NRP2: variants seen among roughly 807,000 people sequenced by gnomAD.
The protein encoded by NRP2 is neuropilin-2.
In NRP2, 52 loss-of-function variants were observed where a neutral mutation model predicts 110.4. That is an observed-to-expected ratio of 0.47 (90% CI 0.38 to 0.59). NRP2 has a LOEUF of 0.59. Ranked by LOEUF, NRP2 falls within the 20% of genes least tolerant of loss-of-function variation. NRP2 has a pLI of 0.00. For missense variants in NRP2, 1,049 were observed against 1,203.0 expected (o/e 0.87, Z 1.89); for synonymous variants, 508 against 468.9 (o/e 1.08, Z -1.08).
intron 15 of NRP2, among the ~76,000 whole-genome samples, chr2:205,775,078 C>T (rs1349402237): frequency 6.6e-6 from 1 of 152,154 alleles, no homozygotes; most frequent in Non-Finnish European, 1.5e-5. Context: ...TGCTGGGGCA[C>T]CCCATGAGTA....
chr2:205,723,708 A>G, intron 4 of NRP2, 77 bp from the exon 5 acceptor site: 2 of 1,445,250 alleles, frequency 1.4e-6, no homozygotes, highest in Non-Finnish European at 1.9e-6. Flanking sequence ...AAATGCAATG[A>G]GGGGAAGGGA....
At chr2:205,690,630 A>G (rs914457118) in intron 1 of NRP2, among the ~76,000 whole-genome samples, 3 of 135,250 alleles carry the variant, frequency 2.2e-5, no homozygotes, top group Non-Finnish European at 4.7e-5. Context: ...ACACACACAC[A>G]ATAGCTGGGT....
At chr2:205,711,450 T>G (rs1362387838) in intron 2 of NRP2, among the ~76,000 whole-genome samples, 1 of 152,074 alleles carries the variant, frequency 6.6e-6, no homozygotes, top group East Asian at 1.9e-4. Context: ...GGCTTCTCTG[T>G]GGAGGTAACA....
chr2:205,727,087 G>A (rs1404120222), intron 6 of NRP2, among the ~76,000 whole-genome samples: 2 of 152,128 alleles, frequency 1.3e-5, no homozygotes, highest in Non-Finnish European at 2.9e-5. Flanking sequence ...TTTCTCATAC[G>A]TGTAGACAGC....
At chr2:205,733,562 G>A (rs2057282720) in intron 7 of NRP2, among the ~76,000 whole-genome samples, 3 of 152,222 alleles carry the variant, frequency 2.0e-5, no homozygotes, top group Non-Finnish European at 4.4e-5. Flanking sequence ...GAGGTCTCTG[G>A]AACCTCACTC....
chr2:205,738,438 G>C (rs1311514937), intron 7 of NRP2, among the ~76,000 whole-genome samples: 1 of 152,218 alleles, frequency 6.6e-6, no homozygotes, highest in East Asian at 1.9e-4. Context: ...GCCTCATGCT[G>C]AATTCTCAGA....
chr2:205,728,263 C>T (rs755983571), intron 7 of NRP2, among the ~76,000 whole-genome samples: 1 of 152,226 alleles, frequency 6.6e-6, no homozygotes, highest in Non-Finnish European at 1.5e-5. Flanking sequence ...GCTGTTGCAT[C>T]TTGCGCAGCA....
intron 1 of NRP2, among the ~76,000 whole-genome samples, chr2:205,689,064 A>G (rs950554102): frequency 4.6e-5 from 7 of 152,344 alleles, no homozygotes; most frequent in African/African-American, 1.7e-4. Context: ...CCCCAGCCTC[A>G]AACACATCTC....
Position 205,686,125 on chromosome 2 carries a change from AAC to A in NRP2, c.73+2764_73+2765del, listed in dbSNP as rs1430001485. Among the ~76,000 whole-genome samples, 1 of 152,058 alleles carries A rather than the reference AAC, an allele frequency of 6.6e-6. No individual in the cohort carries two copies. The highest frequency in any genetic ancestry group is 6.5e-5 in the Admixed American group (1 of 15,278). Reference sequence around the variant, plus strand: ...CAGAAACAGAGCCCAGCGATCCATAAACATTCTATTAAGCAAAAATATTCCCA... The same window carrying A: ...CAGAAACAGAGCCCAGCGATCCATAAATTCTATTAAGCAAAAATATTCCCA... On this transcript the variant is annotated intron_variant, in intron 1 of 16. Coordinates refer to ENST00000357785, the MANE Select transcript of NRP2 (RefSeq NM_003872.3). The surrounding 1 kb of genome is among the most constrained non-coding windows in gnomAD (Gnocchi z 4.7).
chr2:205,739,439 C>T (rs1205686775), intron 7 of NRP2, among the ~76,000 whole-genome samples: 1 of 152,184 alleles, frequency 6.6e-6, no homozygotes, highest in Non-Finnish European at 1.5e-5. Flanking sequence ...TCTCTTGTCC[C>T]AGCCCTGTTG....
intron 7 of NRP2, among the ~76,000 whole-genome samples, chr2:205,729,077 G>A (rs891885397): frequency 1.3e-5 from 2 of 152,218 alleles, no homozygotes; most frequent in African/African-American, 4.8e-5. Context: ...TTTTCCAAAG[G>A]GAATCTCCTC....
In NRP2 at chr2:205,686,487, G is replaced by A. The variant is rs192500466; in HGVS notation, c.73+3124G>A. ...ATCAACACAAGTTAATGGAGGCAAGGCGCGCTCTGATTGAAGGGCTGCCCC... is the reference window on the plus strand; with the variant it reads ...ATCAACACAAGTTAATGGAGGCAAGACGCGCTCTGATTGAAGGGCTGCCCC... On this transcript the variant is annotated intron_variant, in intron 1 of 16. Transcript: ENST00000357785. The surrounding 1 kb of genome is among the most constrained non-coding windows in gnomAD (Gnocchi z 4.7). Among the ~76,000 whole-genome samples, 3 of 152,330 alleles carry A rather than the reference G, an allele frequency of 2.0e-5. No individual in the cohort carries two copies. Among genetic ancestry groups the A allele is most frequent in the Admixed American group, 2.0e-4 (3 of 15,310 alleles).
intron 2 of NRP2, among the ~76,000 whole-genome samples, chr2:205,710,072 A>G (rs1032295388): frequency 5.9e-5 from 9 of 152,214 alleles, no homozygotes; most frequent in Admixed American, 2.0e-4. Flanking sequence ...AACTCAAAAG[A>G]GCAAGATTCT....
chr2:205,717,091 A>G (rs150546697), intron 3 of NRP2, among the ~76,000 whole-genome samples: 1 of 152,258 alleles, frequency 6.6e-6, no homozygotes, highest in East Asian at 1.9e-4. Flanking sequence ...CCAAAACTAA[A>G]TACAGCAGAC....
chr2:205,791,805 G>A (rs1477228928), intron 15 of NRP2, among the ~76,000 whole-genome samples: 3 of 152,192 alleles, frequency 2.0e-5, no homozygotes, highest in African/African-American at 7.2e-5. Context: ...AAATCCAGAG[G>A]AGAAAGACTC....
chr2:205,730,055 A>C (rs1032825325), intron 7 of NRP2, among the ~76,000 whole-genome samples: 1 of 152,182 alleles, frequency 6.6e-6, no homozygotes, highest in African/African-American at 2.4e-5. Context: ...TCCTTTGTGT[A>C]CTTAGAAGGA....
Position 205,735,234 on chromosome 2 carries a change from G to A in NRP2, c.1147-5285G>A, listed in dbSNP as rs1001827146. On this transcript the variant is annotated intron_variant, in intron 7 of 16. Coordinates refer to ENST00000357785, the MANE Select transcript of NRP2 (RefSeq NM_003872.3). ...ATAAGAAAAGGCTTTAGGCTGGGCA[G>A]AAAAATTCCTCTGCCTAGAGGCCTA... is the stretch of plus-strand genomic sequence containing the variant. Among the ~76,000 whole-genome samples the A allele has an allele frequency of 5.9e-5, 9 of 151,956 alleles. No homozygotes were observed. The South Asian group carries it at 1.9e-3, about 32-fold the overall frequency.
intron 3 of NRP2, chr2:205,722,145 C>CT (rs1553580380): frequency 5.4e-5 from 12 of 221,210 alleles, no homozygotes; most frequent in East Asian, 1.9e-4. Context: ...CAAGAGAATC[C>CT]CTCTCTCTCT....
In NRP2 at chr2:205,722,474, A is replaced by G. The variant is rs1489071411; in HGVS notation, c.434-4A>G. On this transcript the variant is annotated splice_polypyrimidine_tract_variant and splice_region_variant and intron_variant, in intron 3 of 16. Transcript: ENST00000357785. ...TTAGTGCTACAGTTCTCTTTTACAT[A>G]CAGGCTCTGAAGATTGCTCAAAAAA... 4 of 1,611,222 alleles carry G rather than the reference A, an allele frequency of 2.5e-6. No homozygotes were observed. The highest frequency in any genetic ancestry group is 1.7e-4 in the Middle Eastern group (1 of 6,058).
Sources: gnomAD v4.1 joint callset for allele counts (sites outside exome capture counted in the v4.1 genomes callset) on GRCh38, gnomAD v4.1.1 for gene constraint, Gnocchi (gnomAD v3.1) non-coding constraint, MANE v1.5 for transcripts, NCBI Gene and HGNC (gene_info 2026-07-23, HGNC 2026-07-21) for gene names.